The following DPP10 variants were observed in gnomAD, a reference collection of about 807,000 sequenced individuals.
The protein encoded by DPP10 is inactive dipeptidyl peptidase 10.
A neutral mutation model predicts 120.9 loss-of-function variants in DPP10; 33 were observed. The observed-to-expected ratio is 0.27, with a 90% confidence interval of 0.21 to 0.37. DPP10 has a LOEUF of 0.37. Among genes scored for constraint, DPP10 ranks in the 10% least tolerant of loss-of-function variants. DPP10 has a pLI of 1.00. For missense variants in DPP10, 816 were observed against 942.8 expected, an observed-to-expected ratio of 0.87 and a Z score of 1.76; for synonymous variants, 337 against 326.1, an observed-to-expected ratio of 1.03 and a Z score of -0.36.
At chr2:115,072,405 A>G (rs1345583824) in intron 1 of DPP10, among the ~76,000 whole-genome samples, 1 of 152,210 alleles carries the variant, frequency 6.6e-6, no homozygotes, top group Non-Finnish European at 1.5e-5. Context: ...GATTTTGCCT[A>G]TGTGTAGATG....
At chr2:115,766,574 C>A (rs893562622) in intron 12 of DPP10, among the ~76,000 whole-genome samples, 46 of 151,990 alleles carry the variant, frequency 3.0e-4, no homozygotes, top group African/African-American at 1.0e-3. Flanking sequence ...CATACATACA[C>A]AAATTATACG....
At chr2:114,717,560 C>A (rs1371330147) in intron 1 of DPP10, among the ~76,000 whole-genome samples, 1 of 152,152 alleles carries the variant, frequency 6.6e-6, no homozygotes, top group Non-Finnish European at 1.5e-5. Flanking sequence ...AACAGATTGG[C>A]TCCGTAAACC....
chr2:115,347,807 T>C (rs2063784331), intron 3 of DPP10, among the ~76,000 whole-genome samples: 1 of 152,186 alleles, frequency 6.6e-6, no homozygotes, highest in African/African-American at 2.4e-5. Flanking sequence ...GCAAAGGACA[T>C]GAACTCATCC....
At chr2:115,699,432 T>A (rs1053443524) in intron 7 of DPP10, among the ~76,000 whole-genome samples, 1 of 152,118 alleles carries the variant, frequency 6.6e-6, no homozygotes, top group African/African-American at 2.4e-5. Flanking sequence ...TGAAACCCTG[T>A]CTCTACTAAA....
At chr2:115,687,718 C>T (rs2091077917) in intron 5 of DPP10, among the ~76,000 whole-genome samples, 1 of 152,028 alleles carries the variant, frequency 6.6e-6, no homozygotes, top group Non-Finnish European at 1.5e-5. Flanking sequence ...CATTTGAAGA[C>T]ATATAAGTCC....
intron 1 of DPP10, among the ~76,000 whole-genome samples, chr2:115,032,952 G>A (rs1034492862): frequency 6.6e-6 from 1 of 151,586 alleles, no homozygotes; most frequent in South Asian, 2.1e-4. Context: ...CTTTATAAAC[G>A]TTTTTTATCC....
chr2:115,268,766 T>C (rs1285950473), intron 1 of DPP10, among the ~76,000 whole-genome samples: 1 of 152,246 alleles, frequency 6.6e-6, no homozygotes, highest in Non-Finnish European at 1.5e-5. Context: ...GTAACTTCTT[T>C]AGATATAAGA....
At chr2:115,727,204 C>G (rs2092786503) in intron 7 of DPP10, among the ~76,000 whole-genome samples, 1 of 152,032 alleles carries the variant, frequency 6.6e-6, no homozygotes, top group African/African-American at 2.4e-5. Flanking sequence ...CTGGAACTCT[C>G]AGTTATAAGG....
intron 1 of DPP10, among the ~76,000 whole-genome samples, chr2:114,871,768 A>G (rs1038622267): frequency 3.9e-5 from 6 of 152,188 alleles, no homozygotes; most frequent in African/African-American, 1.4e-4. Flanking sequence ...CCTGTTGGGA[A>G]CTGGGTCACA....
chr2:115,789,281 G>A (rs1683682669), intron 17 of DPP10, among the ~76,000 whole-genome samples: 1 of 152,162 alleles, frequency 6.6e-6, no homozygotes, highest in South Asian at 2.1e-4. Flanking sequence ...TAGAAAGTAT[G>A]ATAGTTTGTT....
intron 1 of DPP10, among the ~76,000 whole-genome samples, chr2:114,622,645 G>A (rs1278395838): frequency 6.6e-6 from 1 of 152,062 alleles, no homozygotes; most frequent in Non-Finnish European, 1.5e-5. Context: ...GCTGAACACA[G>A]CGATTATTTC....
rs1039854231 is a variant in DPP10, at chr2:115,258,722, A to G, written c.61-50517A>G. ...CAGGAGCTTGAGACCAGCCTGGATAACATAGTGAGATGAGGGCATCTCTAC... is the reference window on the plus strand; with the variant it reads ...CAGGAGCTTGAGACCAGCCTGGATAGCATAGTGAGATGAGGGCATCTCTAC... On this transcript the variant is annotated intron_variant, in intron 1 of 25. Transcript: ENST00000410059. 9.2e-5 allele frequency among the ~76,000 whole-genome samples: 14 copies of G among 152,148 alleles called. No homozygotes were observed. The South Asian group carries it at 2.9e-3, about 32-fold the overall frequency.
intron 1 of DPP10, among the ~76,000 whole-genome samples, chr2:115,026,930 A>G (rs1703505804): frequency 6.6e-6 from 1 of 152,150 alleles, no homozygotes; most frequent in Non-Finnish European, 1.5e-5. Context: ...AATTTTAGCA[A>G]TATTCAGTCT....
chr2:115,409,799 G>C (rs558006853), intron 3 of DPP10, among the ~76,000 whole-genome samples: 2 of 152,294 alleles, frequency 1.3e-5, no homozygotes, highest in Admixed American at 1.3e-4. Context: ...AAGAAATGTG[G>C]TATGTGTATA....
intron 1 of DPP10, among the ~76,000 whole-genome samples, chr2:114,999,215 T>C (rs1389386255): frequency 1.3e-5 from 2 of 152,082 alleles, no homozygotes; most frequent in Non-Finnish European, 2.9e-5. Flanking sequence ...AATGAGTGAG[T>C]GAATGAGTGG....
At chr2:114,816,434 GCCA>G (rs1178647003) in intron 1 of DPP10, among the ~76,000 whole-genome samples, 1 of 152,118 alleles carries the variant, frequency 6.6e-6, no homozygotes, top group African/African-American at 2.4e-5. Context: ...TGGTCCATGG[GCCA>G]CCATCGTTTG....
intron 7 of DPP10, among the ~76,000 whole-genome samples, chr2:115,709,713 C>T (rs1336924320): frequency 1.3e-5 from 2 of 151,588 alleles, no homozygotes; most frequent in Non-Finnish European, 2.9e-5. Context: ...AACATTTAAT[C>T]TGAAAAAATT....
chr2:114,780,291 T>C (rs1477697661), intron 1 of DPP10, among the ~76,000 whole-genome samples: 1 of 152,154 alleles, frequency 6.6e-6, no homozygotes, highest in African/African-American at 2.4e-5. Flanking sequence ...AATAATAGGA[T>C]AGCTTGGTTT....
intron 5 of DPP10, among the ~76,000 whole-genome samples, chr2:115,557,383 T>C (rs1047722883): frequency 6.6e-6 from 1 of 152,170 alleles, no homozygotes; most frequent in South Asian, 2.1e-4. Flanking sequence ...CAAAACAGAT[T>C]ACCAGTCTGT....
Sources: allele counts gnomAD v4.1 joint callset (sites outside exome capture counted in the v4.1 genomes callset), GRCh38; gene constraint gnomAD v4.1.1; transcripts MANE v1.5; gene names NCBI Gene and HGNC (gene_info 2026-07-23, HGNC 2026-07-21).